UNC5D: variants seen among roughly 807,000 people sequenced by gnomAD.
The protein encoded by UNC5D is unc-5 netrin receptor D.
A neutral mutation model predicts 105.4 loss-of-function variants in UNC5D; 39 were observed. The observed-to-expected ratio is 0.37, with a 90% CI of 0.29 to 0.48. The LOEUF (loss-of-function observed/expected upper bound fraction) is 0.48, where lower values mean the gene tolerates loss of function less well. UNC5D is among the 20% of genes least tolerant of loss of function. The pLI, the probability that UNC5D is intolerant of heterozygous loss-of-function variation, is 0.98. For synonymous variants in UNC5D, 452 were observed against 450.4 expected (o/e 1.00, Z -0.04); for missense variants, 991 against 1,202.4 (o/e 0.82, Z 2.60).
intron 1 of UNC5D, among the ~76,000 whole-genome samples, chr8:35,365,222 A>C (rs1041870025): frequency 6.6e-6 from 1 of 152,056 alleles, no homozygotes; most frequent in African/African-American, 2.4e-5. Flanking sequence ...GGTGTAGCCA[A>C]TCTCATTAGT....
intron 4 of UNC5D, 73 bp from the exon 5 acceptor site, chr8:35,683,474 C>A: frequency 6.8e-7 from 1 of 1,471,496 alleles, no homozygotes; most frequent in South Asian, 1.4e-5. Context: ...ACACCCGAAT[C>A]TGCTCACTTT....
rs2128907984 is a variant in UNC5D, at chr8:35,348,314, A to C, written c.103+112427A>C. Among the ~76,000 whole-genome samples, 2 of 152,090 alleles carry C rather than the reference A, an allele frequency of 1.3e-5. 1 individual carries two copies. Among genetic ancestry groups the C allele is most frequent in the Middle Eastern group, 6.8e-3 (2 of 294 alleles). On this transcript the variant is annotated intron_variant, in intron 1 of 16. Coordinates refer to ENST00000404895, the MANE Select transcript of UNC5D (RefSeq NM_080872.4). ...AATTAACAAGTTATGAATGCAAGACACAGAAGCAGAGGAGCAAGAGTAAAG... is the reference window on the plus strand; with the variant it reads ...AATTAACAAGTTATGAATGCAAGACCCAGAAGCAGAGGAGCAAGAGTAAAG...
chr8:35,301,653 A>G (rs545260539), intron 1 of UNC5D, among the ~76,000 whole-genome samples: 7 of 152,160 alleles, frequency 4.6e-5, no homozygotes, highest in Non-Finnish European at 1.0e-4. Context: ...CAAAAACTAT[A>G]CTACCAAATT....
intron 1 of UNC5D, among the ~76,000 whole-genome samples, chr8:35,279,021 T>G (rs1346859031): frequency 1.3e-5 from 2 of 152,154 alleles, no homozygotes; most frequent in Non-Finnish European, 2.9e-5. Context: ...AGAGCCAGGA[T>G]TTATAGCCTT....
At chr8:35,706,709 G>A (rs571450870) in intron 8 of UNC5D, among the ~76,000 whole-genome samples, 1 of 152,240 alleles carries the variant, frequency 6.6e-6, no homozygotes, top group East Asian at 1.9e-4. Flanking sequence ...AGGTGGGGCT[G>A]AGAACCATGA....
rs1453765805 is a variant in UNC5D at position 35,571,039 on chromosome 8, A to AG, written c.466+2798_466+2799insG. On this transcript the variant is annotated intron_variant, in intron 3 of 16. Transcript: ENST00000404895. ...TATATATATACACATAGAGAGAGAGAAATGGGGTTTGCTATGTTGCCCAGG... is the reference window on the plus strand; with the variant it reads ...TATATATATACACATAGAGAGAGAGAGAATGGGGTTTGCTATGTTGCCCAGG... Among the ~76,000 whole-genome samples, 24 of 151,844 alleles carry AG rather than the reference A, an allele frequency of 1.6e-4. 1 individual carries two copies. The highest frequency in any genetic ancestry group is 5.1e-4 in the African/African-American group (21 of 41,368).
At chr8:35,727,167 A>C (rs1828922040) in intron 10 of UNC5D, 1 of 152,792 alleles carries the variant, frequency 6.5e-6, no homozygotes, top group South Asian at 2.1e-4. Flanking sequence ...TACTTAAAGT[A>C]TCCAGCCCAG....
chr8:35,687,070 A>G lies in UNC5D; in HGVS notation c.1084+361A>G, dbSNP rs202133928. 6.6e-5 allele frequency among the ~76,000 whole-genome samples: 10 copies of G among 152,302 alleles called. 1 individual carries two copies. In the East Asian group the frequency reaches 1.5e-3, roughly 24 times the overall value. On this transcript the variant is annotated intron_variant, in intron 7 of 16. Transcript: ENST00000404895. ...TCTGTGGTTATATTTCCCCCCAGGA[A>G]TTTTGCAAACACAGTAAAGCATTTA...
intron 1 of UNC5D, among the ~76,000 whole-genome samples, chr8:35,280,214 T>C (rs1353182768): frequency 6.6e-6 from 1 of 152,172 alleles, no homozygotes; most frequent in Admixed American, 6.5e-5. Context: ...CTGGCTGGTC[T>C]TGAACTCCTG....
At chr8:35,596,302 G>T (rs2130904966) in intron 4 of UNC5D, among the ~76,000 whole-genome samples, 1 of 152,174 alleles carries the variant, frequency 6.6e-6, no homozygotes, top group Middle Eastern at 3.4e-3. Flanking sequence ...ATTGTCCCTG[G>T]TAATGCACTC....
intron 1 of UNC5D, among the ~76,000 whole-genome samples, chr8:35,263,639 T>C (rs930145241): frequency 3.3e-5 from 5 of 152,356 alleles, no homozygotes; most frequent in Admixed American, 3.3e-4. Context: ...GCTTTGTATC[T>C]GAACAATAAG....
chr8:35,493,489 T>G (rs1183775807), intron 1 of UNC5D, among the ~76,000 whole-genome samples: 1 of 152,094 alleles, frequency 6.6e-6, no homozygotes, highest in Non-Finnish European at 1.5e-5. Flanking sequence ...TGATAGCATT[T>G]TCTTATGTTG....
intron 1 of UNC5D, among the ~76,000 whole-genome samples, chr8:35,492,636 A>C (rs1370789436): frequency 6.6e-6 from 1 of 152,162 alleles, no homozygotes; most frequent in Non-Finnish European, 1.5e-5. Context: ...CAGGAGCCAC[A>C]AAATATGAGA....
chr8:35,696,282 A>ATTTTTTTTTT (rs755876112), intron 7 of UNC5D, among the ~76,000 whole-genome samples: 1 of 113,224 alleles, frequency 8.8e-6, no homozygotes, highest in Admixed American at 9.1e-5. Flanking sequence ...TCAATATTTA[A>ATTTTTTTTTT]TTTTTTTTTT....
At chr8:35,613,109 ACT>A (rs1820798046) in intron 4 of UNC5D, among the ~76,000 whole-genome samples, 1 of 151,898 alleles carries the variant, frequency 6.6e-6, no homozygotes, top group Non-Finnish European at 1.5e-5. Context: ...ACAGAATCTC[ACT>A]CTGTCTCCCA....
intron 8 of UNC5D, among the ~76,000 whole-genome samples, chr8:35,720,617 C>T (rs2131529374): frequency 6.6e-6 from 1 of 152,298 alleles, no homozygotes; most frequent in African/African-American, 2.4e-5. Context: ...TGCCCTCCTT[C>T]TTACCACACA....
rs180997602 is a variant in UNC5D, at chr8:35,729,005, A to G, written c.1682-2007A>G. On this transcript the variant is annotated intron_variant, in intron 10 of 16. Transcript: ENST00000404895. ...TGCCACTCCCCATGTGCCTTTGTGTATGACTATTTCAGACTCCACGTAGTA... is the reference window on the plus strand; with the variant it reads ...TGCCACTCCCCATGTGCCTTTGTGTGTGACTATTTCAGACTCCACGTAGTA... Among the ~76,000 whole-genome samples, 79 of 152,272 alleles carry G rather than the reference A, an allele frequency of 5.2e-4. 1 individual carries two copies. In the East Asian group the frequency reaches 0.015, roughly 29 times the overall value.
At chr8:35,622,395 A>G (rs1379356084) in intron 4 of UNC5D, among the ~76,000 whole-genome samples, 1 of 152,142 alleles carries the variant, frequency 6.6e-6, no homozygotes, top group Non-Finnish European at 1.5e-5. Flanking sequence ...AGAGGGAGAC[A>G]TTATTTATTA....
At chr8:35,575,254 G>A (rs1818009535) in intron 3 of UNC5D, among the ~76,000 whole-genome samples, 1 of 152,102 alleles carries the variant, frequency 6.6e-6, no homozygotes, top group Non-Finnish European at 1.5e-5. Flanking sequence ...CCTTAGCCTA[G>A]TACACAATCA....
Sources: gnomAD v4.1 joint callset for allele counts (sites outside exome capture counted in the v4.1 genomes callset) on GRCh38, gnomAD v4.1.1 for gene constraint, MANE v1.5 for transcripts, NCBI Gene and HGNC (gene_info 2026-07-23, HGNC 2026-07-21) for gene names.